Variants in PLCL1 observed in about 807,000 individuals in gnomAD.
The protein encoded by PLCL1 is inactive phospholipase C-like protein 1.
Under a neutral mutation model 84.4 loss-of-function variants are expected in PLCL1, and 41 were observed. The ratio of observed to expected loss-of-function variants is 0.49; its 90% CI spans 0.38 to 0.63. PLCL1 has a LOEUF of 0.63. Among genes scored for constraint, PLCL1 ranks in the 30% least tolerant of loss-of-function variants. PLCL1 has a pLI of 0.00. For synonymous variants in PLCL1, 490 were observed against 488.3 expected (o/e 1.00, Z -0.05); for missense variants, 1,206 against 1,367.8 (o/e 0.88, Z 1.87).
chr2:197,987,984 G>A (rs1049783064), intron 1 of PLCL1, among the ~76,000 whole-genome samples: 5 of 152,158 alleles, frequency 3.3e-5, no homozygotes, highest in African/African-American at 1.2e-4. Context: ...AGAAGCAGAA[G>A]GTGCCTCATG....
At chr2:198,008,501 G>C (rs555495124) in intron 1 of PLCL1, among the ~76,000 whole-genome samples, 4 of 151,152 alleles carry the variant, frequency 2.6e-5, no homozygotes, top group Admixed American at 6.6e-5. Context: ...TAATGTCCTC[G>C]AGTTTCATTC....
chr2:198,029,534 G>A (rs1574258457), intron 1 of PLCL1, among the ~76,000 whole-genome samples: 1 of 152,178 alleles, frequency 6.6e-6, no homozygotes, highest in East Asian at 1.9e-4. Flanking sequence ...GGAAAAGCAG[G>A]GTTTTAGACA....
At chr2:197,890,833 A>G (rs1688011301) in intron 1 of PLCL1, among the ~76,000 whole-genome samples, 2 of 25,462 alleles carry the variant, frequency 7.9e-5, no homozygotes, top group South Asian at 1.8e-3. Flanking sequence ...ACATATATGC[A>G]TATATATATG....
chr2:198,129,369 C>G (rs1694068395), intron 5 of PLCL1, among the ~76,000 whole-genome samples: 1 of 152,134 alleles, frequency 6.6e-6, no homozygotes, highest in African/African-American at 2.4e-5. Flanking sequence ...TTTGCCCAGA[C>G]ACTCCTTTCT....
intron 1 of PLCL1, among the ~76,000 whole-genome samples, chr2:197,850,033 C>CACAG: frequency 1.0e-3 from 15 of 14,510 alleles, no homozygotes; most frequent in Admixed American, 6.7e-3. Context: ...CACACACAGA[C>CACAG]ACACACACAC....
At chr2:198,029,170 T>C (rs888202651) in intron 1 of PLCL1, among the ~76,000 whole-genome samples, 1 of 152,198 alleles carries the variant, frequency 6.6e-6, no homozygotes, top group African/African-American at 2.4e-5. Context: ...TTTCTATCTT[T>C]GGGAGGGTGA....
At chr2:197,912,175 C>CA (rs1337865903) in intron 1 of PLCL1, among the ~76,000 whole-genome samples, 1 of 151,932 alleles carries the variant, frequency 6.6e-6, no homozygotes, top group Non-Finnish European at 1.5e-5. Flanking sequence ...AAATGAAAAG[C>CA]AAAAAACACA....
chr2:198,138,882 G>C (rs530513144), intron 5 of PLCL1, among the ~76,000 whole-genome samples: 1 of 152,034 alleles, frequency 6.6e-6, no homozygotes, highest in South Asian at 2.1e-4. Context: ...TTTGCTGGGC[G>C]TGGTGGCTCA....
intron 1 of PLCL1, among the ~76,000 whole-genome samples, chr2:197,857,272 C>T (rs566645959): frequency 2.0e-5 from 3 of 152,086 alleles, no homozygotes; most frequent in Admixed American, 6.5e-5. Context: ...ATCTCTGAAC[C>T]CTTCCTGCAT....
At chr2:197,923,763 G>A (rs1393091638) in intron 1 of PLCL1, among the ~76,000 whole-genome samples, 2 of 152,158 alleles carry the variant, frequency 1.3e-5, no homozygotes, top group Non-Finnish European at 1.5e-5. Flanking sequence ...GGTGGCGGCC[G>A]GGCAGAGGCT....
chr2:198,064,189 A>G (rs1692272450), intron 1 of PLCL1, among the ~76,000 whole-genome samples: 1 of 152,194 alleles, frequency 6.6e-6, no homozygotes. Flanking sequence ...GTAGGTGTTA[A>G]GGATGGAGCA....
intron 1 of PLCL1, among the ~76,000 whole-genome samples, chr2:197,922,750 G>A (rs866833921): frequency 2.1e-4 from 20 of 94,666 alleles, no homozygotes; most frequent in African/African-American, 3.2e-4. Flanking sequence ...CTCACCTCCC[G>A]GACGGGGTGG....
At chr2:198,021,138 C>T (rs1691123204) in intron 1 of PLCL1, among the ~76,000 whole-genome samples, 1 of 152,158 alleles carries the variant, frequency 6.6e-6, no homozygotes, top group African/African-American at 2.4e-5. Flanking sequence ...CAACCTGTTC[C>T]TGAATGACTA....
At chr2:198,024,248 G>A (rs1258072590) in intron 1 of PLCL1, among the ~76,000 whole-genome samples, 1 of 152,074 alleles carries the variant, frequency 6.6e-6, no homozygotes, top group Non-Finnish European at 1.5e-5. Flanking sequence ...GGCCTATCAG[G>A]GGTTGGCAGG....
intron 1 of PLCL1, among the ~76,000 whole-genome samples, chr2:198,005,148 C>T (rs971811445): frequency 4.6e-5 from 7 of 152,214 alleles, no homozygotes; most frequent in African/African-American, 1.4e-4. Context: ...CTCACTTCCA[C>T]CCTCCTTTAT....
At chr2:197,964,847 T>C (rs1689696321) in intron 1 of PLCL1, among the ~76,000 whole-genome samples, 2 of 152,216 alleles carry the variant, frequency 1.3e-5, no homozygotes, top group Middle Eastern at 3.2e-3. Flanking sequence ...AATAATCATA[T>C]GTTTTTTATC....
chr2:197,891,121 G>C (rs1688019033), intron 1 of PLCL1, among the ~76,000 whole-genome samples: 1 of 151,856 alleles, frequency 6.6e-6, no homozygotes, highest in Non-Finnish European at 1.5e-5. Flanking sequence ...GATGTGCTAG[G>C]TGTTGGAGAT....
chr2:197,886,245 C>G (rs914354010), intron 1 of PLCL1, among the ~76,000 whole-genome samples: 4 of 151,542 alleles, frequency 2.6e-5, no homozygotes, highest in Non-Finnish European at 5.9e-5. Flanking sequence ...AACCTTGTCT[C>G]TACTAAAAAT....
At chr2:197,912,804 G>T (rs1305293543) in intron 1 of PLCL1, among the ~76,000 whole-genome samples, 1 of 94,368 alleles carries the variant, frequency 1.1e-5, no homozygotes, top group Non-Finnish European at 2.1e-5. Flanking sequence ...TGGGGTGGGG[G>T]GTGGGGGGAG....
Sources: gnomAD v4.1 joint callset for allele counts (sites outside exome capture counted in the v4.1 genomes callset) on GRCh38, gnomAD v4.1.1 for gene constraint, MANE v1.5 for transcripts, NCBI Gene and HGNC (gene_info 2026-07-23, HGNC 2026-07-21) for gene names.